Variants in PPP1R12B observed in about 807,000 individuals in gnomAD.
The protein encoded by PPP1R12B is myosin phosphatase target subunit 2.
A neutral mutation model predicts 126.1 loss-of-function variants in PPP1R12B; 76 were observed. That is an observed-to-expected ratio of 0.60 (90% CI 0.50 to 0.73). The LOEUF (loss-of-function observed/expected upper bound fraction) is 0.73, where lower values mean the gene tolerates loss of function less well. PPP1R12B is among the 30% of genes least tolerant of loss of function. The pLI is 0.00. For synonymous variants in PPP1R12B, 356 were observed against 434.7 expected (o/e 0.82, Z 2.25); for missense variants, 1,052 against 1,205.1 (o/e 0.87, Z 1.88).
chr1:202,516,375 G>A (rs573797585), intron 18 of PPP1R12B, among the ~76,000 whole-genome samples: 2 of 152,250 alleles, frequency 1.3e-5, no homozygotes, highest in East Asian at 1.9e-4. Context: ...ATAAATTATA[G>A]CTACCAATAG....
chr1:202,562,694 G>A lies in PPP1R12B; in HGVS notation c.2508-84G>A, dbSNP rs187226473. ...GGGCTCCGAAATACTTCTTAGAAAA[G>A]GCGCAAACTACCCCTGAGCATTACC... On this transcript the variant is annotated intron_variant, in intron 19 of 23. Transcript: ENST00000608999. 279 of 1,430,520 alleles carry A rather than the reference G, an allele frequency of 2.0e-4. No homozygotes were observed. The African/African-American group carries it at 3.4e-3, about 17-fold the overall frequency. 88.6% of individuals were successfully genotyped at this position (1,430,520 alleles called of 1,614,324 possible).
chr1:202,421,883 C>T (rs1387588483), intron 2 of PPP1R12B, among the ~76,000 whole-genome samples: 1 of 152,130 alleles, frequency 6.6e-6, no homozygotes, highest in African/African-American at 2.4e-5. Context: ...CTGCCATTTA[C>T]CCGCTATGTG....
chr1:202,558,817 C>A (rs1260356299), intron 18 of PPP1R12B, 60 bp from the exon 19 acceptor site: 4 of 1,098,968 alleles, frequency 3.6e-6, no homozygotes, highest in Non-Finnish European at 5.5e-6. Context: ...CAGTCTCTTG[C>A]TAATGCTGTT....
intron 2 of PPP1R12B, among the ~76,000 whole-genome samples, chr1:202,421,466 A>G (rs1344378949): frequency 2.0e-5 from 3 of 151,582 alleles, no homozygotes; most frequent in South Asian, 4.2e-4. Context: ...GCAACACACC[A>G]TCTCTACTAA....
In PPP1R12B at chr1:202,578,846, G is replaced by C. The variant is rs76925919; in HGVS notation, c.2863-1628G>C. On this transcript the variant is annotated intron_variant, in intron 23 of 23. Coordinates refer to ENST00000608999, the MANE Select transcript of PPP1R12B (RefSeq NM_002481.4). Reference sequence around the variant, plus strand: ...GGCGAGTGATCTGCCTAAAGTAATAGATCACTAGTGACAAAGACAATGCTG... The same window carrying C: ...GGCGAGTGATCTGCCTAAAGTAATACATCACTAGTGACAAAGACAATGCTG... Among the ~76,000 whole-genome samples, 1,156 of 152,322 alleles carry C rather than the reference G, an allele frequency of 7.6e-3. 20 individuals carry two copies. The highest frequency in any genetic ancestry group is 0.026 in the African/African-American group (1,080 of 41,582).
intron 10 of PPP1R12B, chr1:202,439,260 C>T: frequency 1.4e-6 from 2 of 1,392,890 alleles, no homozygotes; most frequent in Non-Finnish European, 2.0e-6. Context: ...GGCTGTCCTC[C>T]ACAGAGGCAA....
chr1:202,461,155 A>G (rs777792841), intron 13 of PPP1R12B, among the ~76,000 whole-genome samples: 14 of 152,066 alleles, frequency 9.2e-5, no homozygotes, highest in Admixed American at 2.6e-4. Flanking sequence ...CAGGAGCTCA[A>G]GACCAGCCTG....
At chr1:202,438,200 T>G in intron 10 of PPP1R12B, 176 bp downstream of exon 10, 1 of 1,561,466 alleles carries the variant, frequency 6.4e-7, no homozygotes, top group African/African-American at 1.4e-5. Context: ...TGCTTGCTAT[T>G]GTTTGCTTGA....
intron 13 of PPP1R12B, chr1:202,471,961 C>T (rs1410327362): frequency 1.3e-6 from 2 of 1,596,788 alleles, no homozygotes; most frequent in South Asian, 1.1e-5. Context: ...CACAAAACTA[C>T]CGTTTGTGCA....
At chr1:202,367,841 G>T (rs1354900991) in intron 1 of PPP1R12B, among the ~76,000 whole-genome samples, 4 of 152,104 alleles carry the variant, frequency 2.6e-5, no homozygotes, top group Non-Finnish European at 5.9e-5. Context: ...CAAATCTCAT[G>T]TTGAGATGTA....
At chr1:202,577,648 A>G (rs1268696141) in intron 23 of PPP1R12B, among the ~76,000 whole-genome samples, 1 of 152,038 alleles carries the variant, frequency 6.6e-6, no homozygotes, top group Non-Finnish European at 1.5e-5. Flanking sequence ...ACAAAATACC[A>G]GAGGGGACTC....
intron 20 of PPP1R12B, 85 bp downstream of exon 20, chr1:202,563,007 A>T: frequency 7.1e-7 from 1 of 1,400,608 alleles, no homozygotes; most frequent in South Asian, 1.6e-5. Flanking sequence ...AAATTACCAT[A>T]GCTCTGAATA....
chr1:202,545,036 C>A (rs896261714), intron 18 of PPP1R12B, among the ~76,000 whole-genome samples: 3 of 152,220 alleles, frequency 2.0e-5, no homozygotes, highest in Non-Finnish European at 2.9e-5. Flanking sequence ...ATTATCGTAT[C>A]CTCTATACAT....
At position 202,508,818 on chromosome 1, in the gene PPP1R12B, ATGT is replaced by A. The variant is rs1681104676; in HGVS notation, c.2490+11999_2490+12001del. Among the ~76,000 whole-genome samples the A allele has an allele frequency of 6.6e-6, 1 of 152,198 alleles. No individual in the cohort carries two copies. Among genetic ancestry groups the A allele is most frequent in the African/African-American group, 2.4e-5 (1 of 41,432 alleles). On this transcript the variant is annotated intron_variant, in intron 18 of 23. Coordinates refer to ENST00000608999, the MANE Select transcript of PPP1R12B (RefSeq NM_002481.4). The surrounding 1 kb of genome is among the most constrained non-coding windows in gnomAD (Gnocchi z 4.5). ...GTTTATACCTATTCTCCGGCAGAAC[ATGT>A]TGGTGGTGGGACAGTGGTAGCAGCC...
chr1:202,413,382 G>A lies in PPP1R12B; in HGVS notation c.292-3405G>A, dbSNP rs191260137. Reference sequence around the variant, plus strand: ...CCTGTAAGTTCTCTTGGTGTGATATGTACTACTTAAGTCCTGTAGTTACAA... The same window carrying A: ...CCTGTAAGTTCTCTTGGTGTGATATATACTACTTAAGTCCTGTAGTTACAA... On this transcript the variant is annotated intron_variant, in intron 1 of 23. Coordinates refer to ENST00000608999, the MANE Select transcript of PPP1R12B (RefSeq NM_002481.4). 3.9e-5 allele frequency among the ~76,000 whole-genome samples: 6 copies of A among 152,242 alleles called. No individual in the cohort carries two copies. The East Asian group carries it at 1.2e-3, about 29-fold the overall frequency.
At chr1:202,452,654 C>T (rs1673153288) in intron 13 of PPP1R12B, among the ~76,000 whole-genome samples, 1 of 152,118 alleles carries the variant, frequency 6.6e-6, no homozygotes, top group African/African-American at 2.4e-5. Context: ...TCACTGTTGG[C>T]AAATAAAAGT....
rs1347074485 is a variant in PPP1R12B, at chr1:202,389,913, C to T, written c.292-26874C>T. Among the ~76,000 whole-genome samples the T allele has an allele frequency of 6.3e-5, 8 of 126,612 alleles. No homozygotes were observed. In the Admixed American group the frequency reaches 6.6e-4, roughly 10 times the overall value. 83.1% of individuals were successfully genotyped at this position (126,612 alleles called of 152,430 possible). ...CTGCACTCCAGTCTGGGCGACAGAG[C>T]GGGACTCTGTCTCAAAAAAAAAAAA... On this transcript the variant is annotated intron_variant, in intron 1 of 23. Transcript: ENST00000608999.
intron 1 of PPP1R12B, among the ~76,000 whole-genome samples, chr1:202,365,955 A>T (rs899373607): frequency 1.3e-5 from 2 of 151,844 alleles, no homozygotes; most frequent in Non-Finnish European, 2.9e-5. Flanking sequence ...GCACCGCTGC[A>T]CTCCAGCCTG....
chr1:202,433,867 T>C (rs1192542884), intron 8 of PPP1R12B, among the ~76,000 whole-genome samples: 2 of 152,232 alleles, frequency 1.3e-5, no homozygotes, highest in African/African-American at 4.8e-5. Flanking sequence ...TCATTTTGGC[T>C]GGGAACTCTG....
Sources: allele counts gnomAD v4.1 joint callset (sites outside exome capture counted in the v4.1 genomes callset), GRCh38; gene constraint gnomAD v4.1.1; non-coding constraint Gnocchi (gnomAD v3.1); transcripts MANE v1.5; gene names NCBI Gene and HGNC (gene_info 2026-07-23, HGNC 2026-07-21).